The following DRD2 variants were observed in gnomAD, a reference collection of about 807,000 sequenced individuals.
The protein encoded by DRD2 is dopamine receptor D2, also known as D(2) dopamine receptor.
In DRD2, 8 loss-of-function variants were observed where a neutral mutation model predicts 38.0. That is an observed-to-expected ratio of 0.21 (90% confidence interval 0.12 to 0.38). DRD2 has a LOEUF of 0.38. Ranked by LOEUF, DRD2 falls within the 10% of genes least tolerant of loss-of-function variation. The pLI, the probability that DRD2 is intolerant of heterozygous loss-of-function variation, is 1.00. For missense variants in DRD2, 403 were observed against 607.7 expected (o/e 0.66, Z 3.54); for synonymous variants, 230 against 238.6 (o/e 0.96, Z 0.33).
chr11:113,441,219 A>G (rs1208977540), intron 1 of DRD2, among the ~76,000 whole-genome samples: 1 of 152,238 alleles, frequency 6.6e-6, no homozygotes, highest in Non-Finnish European at 1.5e-5. Context: ...TGGGCAGACC[A>G]TAACATGGAA....
At chr11:113,433,971 G>C (rs1951013817) in intron 1 of DRD2, among the ~76,000 whole-genome samples, 2 of 152,136 alleles carry the variant, frequency 1.3e-5, no homozygotes, top group South Asian at 2.1e-4. Flanking sequence ...CACCCTCCTT[G>C]AGTCCCAACT....
In DRD2 at chr11:113,410,802, G is replaced by A. The variant is rs79932566; in HGVS notation, c.1257C>T (p.Ser419=). 2.1e-4 allele frequency: 337 copies of A among 1,612,974 alleles called. No individual in the cohort carries two copies. Among genetic ancestry groups the A allele is most frequent in the Middle Eastern group, 2.0e-3 (12 of 6,084 alleles). ...SAFTWLGYVN[S]AVNPIIYTTF... is the part of the protein sequence containing the mutation. Reference sequence around the variant, plus strand: ...TGGTGTAGATGATGGGGTTCACGGCGCTGTTGACATAGCCCAGCCACGTGA... The same window carrying A: ...TGGTGTAGATGATGGGGTTCACGGCACTGTTGACATAGCCCAGCCACGTGA... Residue 419 remains serine (S), a synonymous_variant, in exon 8 of 8, where the codon AGC becomes AGT. Coordinates refer to ENST00000362072, the MANE Select transcript of DRD2 (RefSeq NM_000795.4).
At chr11:113,441,134 G>T (rs957022441) in intron 1 of DRD2, among the ~76,000 whole-genome samples, 3 of 152,130 alleles carry the variant, frequency 2.0e-5, no homozygotes, top group African/African-American at 7.2e-5. Context: ...ACCCTCCAAT[G>T]GATGCTGAAG....
chr11:113,418,113 G>C lies in DRD2; in HGVS notation c.309C>G (p.Ser103Arg). ...TGACGAAGATGTCACAGTGAATCCTGCTGAATTTCCACTCACCTACCACCT... is the reference window on the plus strand; with the variant it reads ...TGACGAAGATGTCACAGTGAATCCTCCTGAATTTCCACTCACCTACCACCT... ...YLEVVGEWKF[S>R]RIHCDIFVTL... is the part of the protein sequence containing the mutation. The change falls in exon 3 of 8, where the codon AGC (serine) becomes AGG (arginine). Residue 103 changes from serine to arginine, a missense_variant. Coordinates refer to ENST00000362072, the MANE Select transcript of DRD2 (RefSeq NM_000795.4). The C allele has an allele frequency of 6.2e-7, 1 of 1,614,178 alleles. No individual in the cohort carries two copies. Among genetic ancestry groups the C allele is most frequent in the Non-Finnish European group, 8.5e-7 (1 of 1,180,010 alleles).
Position 113,412,741 on chromosome 11 carries a change from G to C in DRD2, c.953C>G (p.Thr318Ser). ...PDPSHHGLHS[T>S]PDSPAKPEKN... ...CTCTGGTTTGGCGGGGCTGTCGGGA[G>C]TGCTGTGGAGACCATGGTGGGACGG... Residue 318 changes from threonine to serine, a missense_variant, in exon 7 of 8, where the codon ACT (threonine) becomes AGT (serine). By Grantham distance (58) the Thr-to-Ser change is moderately conservative. Coordinates refer to ENST00000362072, the MANE Select transcript of DRD2 (RefSeq NM_000795.4). 1 of 1,614,074 alleles carries C rather than the reference G, an allele frequency of 6.2e-7. No individual in the cohort carries two copies. Among genetic ancestry groups the C allele is most frequent in the Non-Finnish European group, 8.5e-7 (1 of 1,179,940 alleles).
intron 6 of DRD2, chr11:113,413,786 G>A (rs1950794289): frequency 9.4e-6 from 2 of 212,904 alleles, no homozygotes; most frequent in Non-Finnish European, 1.9e-5. Flanking sequence ...GGCAGAGGCT[G>A]GGGTCTGCTG....
At chr11:113,426,522 A>G (rs545682106) in intron 1 of DRD2, among the ~76,000 whole-genome samples, 5 of 152,362 alleles carry the variant, frequency 3.3e-5, no homozygotes, top group African/African-American at 9.6e-5. Context: ...AAAACCACCA[A>G]TTGATGCCAT....
intron 1 of DRD2, among the ~76,000 whole-genome samples, chr11:113,455,485 C>T (rs902423654): frequency 1.6e-4 from 25 of 152,082 alleles, no homozygotes; most frequent in Non-Finnish European, 3.2e-4. Flanking sequence ...AATGTTTCTA[C>T]GTAGTGAAGG....
At chr11:113,443,234 A>G (rs1951110034) in intron 1 of DRD2, among the ~76,000 whole-genome samples, 1 of 152,068 alleles carries the variant, frequency 6.6e-6, no homozygotes, top group African/African-American at 2.4e-5. Context: ...CTCCTCCGAG[A>G]AGCCTTCTGT....
chr11:113,450,195 T>C (rs1591296067), intron 1 of DRD2: 1 of 152,660 alleles, frequency 6.6e-6, no homozygotes, highest in East Asian at 1.9e-4. Flanking sequence ...CTCCCTATCA[T>C]GAAATCCCGG....
At chr11:113,412,117 A>T (rs1950775078) in intron 7 of DRD2, 2 of 202,076 alleles carry the variant, frequency 9.9e-6, no homozygotes, top group African/African-American at 4.6e-5. Context: ...TAATAGTGAC[A>T]CTTACATATG....
intron 1 of DRD2, among the ~76,000 whole-genome samples, chr11:113,430,754 G>A (rs150140764): frequency 1.2e-3 from 188 of 152,298 alleles, no homozygotes; most frequent in African/African-American, 4.3e-3. Flanking sequence ...CTCCAGTTAC[G>A]CTGGGCTGGT....
intron 1 of DRD2, among the ~76,000 whole-genome samples, chr11:113,426,798 A>G (rs1318797457): frequency 6.6e-6 from 1 of 152,342 alleles, no homozygotes; most frequent in South Asian, 2.1e-4. Flanking sequence ...TTCTAAGGTA[A>G]TGAAGCATAT....
chr11:113,456,589 C>T (rs1951270291), intron 1 of DRD2, among the ~76,000 whole-genome samples: 1 of 151,920 alleles, frequency 6.6e-6, no homozygotes, highest in Admixed American at 6.6e-5. Context: ...AGAAGAAAAT[C>T]CTGTCACATG....
intron 1 of DRD2, among the ~76,000 whole-genome samples, chr11:113,441,710 C>T (rs1184203286): frequency 2.0e-5 from 3 of 152,148 alleles, no homozygotes; most frequent in African/African-American, 7.2e-5. Flanking sequence ...GAAGCTACAC[C>T]TTGGTGGCTC....
chr11:113,444,651 G>A (rs1478648286), intron 1 of DRD2, among the ~76,000 whole-genome samples: 1 of 152,182 alleles, frequency 6.6e-6, no homozygotes, highest in African/African-American at 2.4e-5. Context: ...ATCTATAAAT[G>A]GTGGCTGATG....
intron 1 of DRD2, among the ~76,000 whole-genome samples, chr11:113,433,911 C>G (rs1446969753): frequency 6.6e-6 from 1 of 152,222 alleles, no homozygotes; most frequent in Non-Finnish European, 1.5e-5. Context: ...GGCACTTTCT[C>G]AATTTCCTGT....
chr11:113,472,561 A>G (rs1434046164), intron 1 of DRD2, among the ~76,000 whole-genome samples: 1 of 152,240 alleles, frequency 6.6e-6, no homozygotes, highest in Non-Finnish European at 1.5e-5. Flanking sequence ...GCCCACAAGC[A>G]TCATTACTAG....
At chr11:113,412,930 G>T (rs745376198) in intron 6 of DRD2, 47 bp from the exon 7 acceptor site, 3 of 1,569,676 alleles carry the variant, frequency 1.9e-6, no homozygotes, top group Non-Finnish European at 1.7e-6. Context: ...CAAGTTCCCA[G>T]GCATCAGCCA....
Sources: gnomAD v4.1 joint callset for allele counts (sites outside exome capture counted in the v4.1 genomes callset) on GRCh38, gnomAD v4.1.1 for gene constraint, MANE v1.5 for transcripts, NCBI Gene and HGNC (gene_info 2026-07-23, HGNC 2026-07-21) for gene names.